Variants in ABCB5 observed in about 807,000 individuals in gnomAD.
ABCB5 encodes the protein ATP-binding cassette sub-family B member 5.
Under a neutral mutation model 144.2 loss-of-function variants are expected in ABCB5, and 155 were observed. The ratio of observed to expected loss-of-function variants is 1.08; its 90% CI spans 0.94 to 1.23. ABCB5 has a LOEUF of 1.23. Ranked by LOEUF, ABCB5 falls within the 50% of genes most tolerant of loss-of-function variation. The pLI, the probability that ABCB5 is intolerant of heterozygous loss-of-function variation, is 0.00. For missense variants in ABCB5, 1,830 were observed against 1,520.8 expected, an observed-to-expected ratio of 1.20 and a Z score of -3.38; for synonymous variants, 610 against 528.6, an observed-to-expected ratio of 1.15 and a Z score of -2.11.
chr7:20,653,097 C>T (rs1188989713), intron 13 of ABCB5, among the ~76,000 whole-genome samples: 2 of 152,172 alleles, frequency 1.3e-5, no homozygotes, highest in Non-Finnish European at 2.9e-5. Context: ...CTTTCAATGA[C>T]TTCCTTTCCT....
intron 24 of ABCB5, among the ~76,000 whole-genome samples, 195 bp from the exon 25 acceptor site, chr7:20,742,682 C>T (rs1452273598): frequency 2.0e-5 from 3 of 152,126 alleles, no homozygotes; most frequent in African/African-American, 7.2e-5. Flanking sequence ...ACAAGAAACA[C>T]AGACACAAAA....
intron 23 of ABCB5, among the ~76,000 whole-genome samples, chr7:20,738,530 T>G (rs1334756281): frequency 6.6e-6 from 1 of 152,168 alleles, no homozygotes; most frequent in Non-Finnish European, 1.5e-5. Flanking sequence ...AACCAGTCAT[T>G]TAGCTTCAGT....
intron 14 of ABCB5, chr7:20,659,954 G>A: frequency 2.0e-6 from 2 of 984,576 alleles, no homozygotes; most frequent in East Asian, 2.2e-4. Context: ...AAAGTGCTGG[G>A]ATTACAGGTG....
intron 25 of ABCB5, among the ~76,000 whole-genome samples, chr7:20,744,029 T>A (rs1419508941): frequency 1.3e-5 from 2 of 152,084 alleles, no homozygotes; most frequent in South Asian, 4.2e-4. Flanking sequence ...TGCACTGTGC[T>A]TTTTCTGTTT....
intron 19 of ABCB5, among the ~76,000 whole-genome samples, chr7:20,703,328 T>A (rs1163568292): frequency 6.6e-6 from 1 of 152,214 alleles, no homozygotes; most frequent in Non-Finnish European, 1.5e-5. Flanking sequence ...TCACAGTATG[T>A]TAGGCTCTTG....
chr7:20,681,485 C>A lies in ABCB5; in HGVS notation c.1708-20C>A. 6.2e-7 allele frequency: 1 copy of A among 1,612,268 alleles called. No individual in the cohort carries two copies. On this transcript the variant is annotated intron_variant, in intron 14 of 27. Coordinates refer to ENST00000404938, the MANE Select transcript of ABCB5 (RefSeq NM_001163941.2). ...ATTTCTACTAATGTCTATTTATTTTCTATGCATTTTATTCTGTAGGCGAGC... is the reference window on the plus strand; with the variant it reads ...ATTTCTACTAATGTCTATTTATTTTATATGCATTTTATTCTGTAGGCGAGC...
At chr7:20,743,118 C>G in intron 25 of ABCB5, 44 bp downstream of exon 25, 1 of 1,593,358 alleles carries the variant, frequency 6.3e-7, no homozygotes, top group East Asian at 2.3e-5. Flanking sequence ...GTTAGCAGTC[C>G]TATTCTTAAA....
At chr7:20,666,801 A>G (rs1206506781) in intron 14 of ABCB5, 3 of 1,589,018 alleles carry the variant, frequency 1.9e-6, no homozygotes, top group Non-Finnish European at 2.6e-6. Context: ...CTACCACACT[A>G]TCTACGTTGA....
rs1782166384 is a variant in ABCB5 at position 20,730,313 on chromosome 7, C to CACAA, written c.2867+1859_2867+1860insCAAA. 1.6e-4 allele frequency among the ~76,000 whole-genome samples: 25 copies of CACAA among 152,288 alleles called. No homozygotes were observed. The South Asian group carries it at 4.8e-3, about 29-fold the overall frequency. On this transcript the variant is annotated intron_variant, in intron 23 of 27. Transcript: ENST00000404938. ...TCACCAAAGGTCAGGATTTCGAGAC[C>CACAA]AGCCTGGACAACCTGTGAAATGCTG...
chr7:20,708,963 T>C (rs1786916579), intron 20 of ABCB5, among the ~76,000 whole-genome samples: 1 of 152,224 alleles, frequency 6.6e-6, no homozygotes, highest in African/African-American at 2.4e-5. Context: ...GCCTAACTTT[T>C]CACTTACTTC....
chr7:20,691,772 G>A (rs917086860), intron 16 of ABCB5, among the ~76,000 whole-genome samples: 1 of 151,946 alleles, frequency 6.6e-6, no homozygotes, highest in Non-Finnish European at 1.5e-5. Flanking sequence ...AGACTCAAAA[G>A]GATTAAACTG....
intron 16 of ABCB5, among the ~76,000 whole-genome samples, chr7:20,686,235 C>T (rs924413972): frequency 6.6e-6 from 1 of 152,162 alleles, no homozygotes; most frequent in Non-Finnish European, 1.5e-5. Flanking sequence ...GCACATACAC[C>T]ACCCAGGCTT....
intron 20 of ABCB5, among the ~76,000 whole-genome samples, chr7:20,721,981 A>G (rs1465993174): frequency 2.6e-5 from 4 of 152,254 alleles, no homozygotes; most frequent in Admixed American, 2.0e-4. Context: ...TTATGCATGT[A>G]TGTAAAACTG....
At chr7:20,751,290 G>A (rs1175869570) in intron 26 of ABCB5, among the ~76,000 whole-genome samples, 2 of 152,054 alleles carry the variant, frequency 1.3e-5, no homozygotes, top group African/African-American at 4.8e-5. Flanking sequence ...GGCTAACATG[G>A]TGAAACCCCG....
chr7:20,665,529 A>G (rs902009085), intron 14 of ABCB5, among the ~76,000 whole-genome samples: 2 of 152,086 alleles, frequency 1.3e-5, no homozygotes, highest in Admixed American at 6.6e-5. Context: ...GCCTAAAAGA[A>G]ATGACACTGA....
In ABCB5 at chr7:20,651,614, G is replaced by A. The variant is rs1784595186; in HGVS notation, c.1527G>A (p.Glu509=). 1.2e-6 allele frequency: 2 copies of A among 1,614,036 alleles called. No homozygotes were observed. Among genetic ancestry groups the A allele is most frequent in the South Asian group, 2.2e-5 (2 of 91,070 alleles). The change falls in exon 13 of 28, where the codon GAG becomes GAA. Residue 509 remains glutamate, a synonymous_variant. Transcript: ENST00000404938. ...CAAATGCGTATGATTTTATCATGGA[G>A]TTTCCTAATGTGAGTACACTGTGCA... ...REANAYDFIM[E]FPNKFNTLVG...
At chr7:20,747,942 C>T (rs1213389768) in intron 26 of ABCB5, among the ~76,000 whole-genome samples, 5 of 152,120 alleles carry the variant, frequency 3.3e-5, no homozygotes, top group South Asian at 4.1e-4. Flanking sequence ...CTGGGAAAAA[C>T]GAAGAGAGGA....
At chr7:20,720,609 T>A (rs2128049037) in intron 20 of ABCB5, among the ~76,000 whole-genome samples, 1 of 152,184 alleles carries the variant, frequency 6.6e-6, no homozygotes, top group South Asian at 2.1e-4. Context: ...ACCAGATATC[T>A]GGCTCGCGAT....
At chr7:20,637,874 G>A (rs1784201059) in intron 5 of ABCB5, among the ~76,000 whole-genome samples, 1 of 152,160 alleles carries the variant, frequency 6.6e-6, no homozygotes, top group Admixed American at 6.5e-5. Context: ...AATAAATGAA[G>A]CCATTAAATC....
Sources: allele counts gnomAD v4.1 joint callset (sites outside exome capture counted in the v4.1 genomes callset), GRCh38; gene constraint gnomAD v4.1.1; transcripts MANE v1.5; gene names NCBI Gene and HGNC (gene_info 2026-07-23, HGNC 2026-07-21).